COL28A1: variants seen among roughly 807,000 people sequenced by gnomAD.
COL28A1 encodes collagen type XXVIII alpha 1 chain.
In COL28A1, 161 loss-of-function variants were observed where a neutral mutation model predicts 150.2. That is an observed-to-expected ratio of 1.07 (90% confidence interval 0.94 to 1.22). The LOEUF is 1.22. Among genes scored for constraint, COL28A1 ranks in the 50% most tolerant of loss-of-function variants. The pLI, the probability that COL28A1 is intolerant of heterozygous loss-of-function variation, is 0.00. For missense variants in COL28A1, 1,617 were observed against 1,388.3 expected (o/e 1.16, Z -2.62); for synonymous variants, 552 against 469.7 (o/e 1.18, Z -2.26).
At chr7:7,507,855 T>C (rs1281136106) in intron 9 of COL28A1, among the ~76,000 whole-genome samples, 1 of 152,252 alleles carries the variant, frequency 6.6e-6, no homozygotes, top group Non-Finnish European at 1.5e-5. Flanking sequence ...CCAGTTTTAT[T>C]CCCAGTAGAT....
intron 27 of COL28A1, among the ~76,000 whole-genome samples, chr7:7,410,558 A>G (rs1783725460): frequency 6.6e-6 from 1 of 152,098 alleles, no homozygotes; most frequent in Non-Finnish European, 1.5e-5. Flanking sequence ...CGTTAAGTGG[A>G]TAACTTATTG....
At chr7:7,460,767 T>C (rs1216066771) in intron 15 of COL28A1, among the ~76,000 whole-genome samples, 1 of 152,230 alleles carries the variant, frequency 6.6e-6, no homozygotes. Context: ...TTGCTGATGG[T>C]AGAAGTCACT....
intron 21 of COL28A1, among the ~76,000 whole-genome samples, chr7:7,438,571 C>T (rs564732835): frequency 1.6e-4 from 25 of 152,300 alleles, no homozygotes; most frequent in East Asian, 7.7e-4. Context: ...CAATTGTCAC[C>T]GCACACCGCA....
At chr7:7,340,685 C>G in the COL28A1 span, among the ~76,000 whole-genome samples, 1 of 151,954 alleles carries the variant, frequency 6.6e-6, no homozygotes, top group Non-Finnish European at 1.5e-5. Context: ...TGATTCATCT[C>G]TAATCTGTGT....
intron 11 of COL28A1, among the ~76,000 whole-genome samples, chr7:7,495,366 A>AG (rs1235196110): frequency 6.6e-6 from 1 of 152,180 alleles, no homozygotes; most frequent in Non-Finnish European, 1.5e-5. Context: ...GTGATTAATG[A>AG]GGTTGAAGGC....
intron 27 of COL28A1, among the ~76,000 whole-genome samples, chr7:7,404,102 AG>A (rs1003400578): frequency 6.6e-6 from 1 of 152,020 alleles, no homozygotes; most frequent in Non-Finnish European, 1.5e-5. Context: ...ATCAGGAAAA[AG>A]GATTTAGTAA....
intron 25 of COL28A1, among the ~76,000 whole-genome samples, chr7:7,432,087 C>A (rs999196171): frequency 4.6e-5 from 7 of 152,076 alleles, no homozygotes; most frequent in African/African-American, 1.7e-4. Flanking sequence ...TACATGAGAC[C>A]AGATTTTAAG....
At chr7:7,370,704 G>C (rs1781183067) in intron 33 of COL28A1, 21 bp downstream of exon 33, 3 of 1,589,966 alleles carry the variant, frequency 1.9e-6, no homozygotes, top group Non-Finnish European at 2.6e-6. Context: ...AGCTCACAAA[G>C]TAAGTGAGAC....
chr7:7,443,014 G>A (rs1785932642), intron 20 of COL28A1, among the ~76,000 whole-genome samples: 1 of 147,746 alleles, frequency 6.8e-6, no homozygotes, highest in Non-Finnish European at 1.5e-5. Flanking sequence ...CAGCCTGTGG[G>A]ACAGAGTGAG....
chr7:7,366,938 C>T (rs60169910), intron 33 of COL28A1, among the ~76,000 whole-genome samples: 4,759 of 152,262 alleles, frequency 0.031, 244 homozygotes, highest in African/African-American at 0.11. Context: ...TAAATATGTT[C>T]TTGTATGTGT....
At chr7:7,381,969 G>A (rs924939478) in intron 27 of COL28A1, among the ~76,000 whole-genome samples, 2 of 152,020 alleles carry the variant, frequency 1.3e-5, no homozygotes, top group Admixed American at 6.6e-5. Context: ...AGTAAAGGTG[G>A]GTTCCATCTT....
intron 14 of COL28A1, among the ~76,000 whole-genome samples, chr7:7,476,478 T>C (rs981039593): frequency 6.6e-6 from 1 of 152,226 alleles, no homozygotes; most frequent in Non-Finnish European, 1.5e-5. Context: ...TGTTTATGGC[T>C]GCTTTCAAGC....
chr7:7,463,660 T>G (rs1271290982), intron 15 of COL28A1, among the ~76,000 whole-genome samples: 1 of 152,146 alleles, frequency 6.6e-6, no homozygotes, highest in East Asian at 1.9e-4. Context: ...CTACAAGAAC[T>G]GCCAAAAGGA....
chr7:7,499,526 G>A (rs1780405726), intron 11 of COL28A1, among the ~76,000 whole-genome samples: 1 of 152,062 alleles, frequency 6.6e-6, no homozygotes. Context: ...AGAAATGTAG[G>A]AATCTACATG....
Position 7,524,259 on chromosome 7 carries a change from A to T in COL28A1, c.682-10T>A. 1 of 1,331,470 alleles carries T rather than the reference A, an allele frequency of 7.5e-7. No individual in the cohort carries two copies. The highest frequency in any genetic ancestry group is 1.4e-5 in the African/African-American group (1 of 69,856). 82.5% of individuals were successfully genotyped at this position (1,331,470 alleles called of 1,614,324 possible). A position where few individuals can be genotyped will look rare whatever the true frequency, so the allele number is the denominator to read the frequency against. ...TTTCAAATAAGATATCCTACAAGGGAAAAAAGAATGAAGCATTAACTCGAT... is the reference window on the plus strand; with the variant it reads ...TTTCAAATAAGATATCCTACAAGGGTAAAAAGAATGAAGCATTAACTCGAT... On this transcript the variant is annotated splice_polypyrimidine_tract_variant and intron_variant, in intron 3 of 34. Coordinates refer to ENST00000399429, the MANE Select transcript of COL28A1 (RefSeq NM_001037763.3).
chr7:7,433,303 G>C (rs939114120), intron 23 of COL28A1, among the ~76,000 whole-genome samples: 1 of 151,996 alleles, frequency 6.6e-6, no homozygotes, highest in Non-Finnish European at 1.5e-5. Flanking sequence ...CAAGTAAAAC[G>C]GGGGGAGAGA....
chr7:7,519,047 A>G (rs1035740833), intron 6 of COL28A1, among the ~76,000 whole-genome samples: 15 of 152,058 alleles, frequency 9.9e-5, no homozygotes, highest in Admixed American at 8.5e-4. Context: ...TTCCTTCCTT[A>G]TATTAGGACA....
In COL28A1 at chr7:7,532,751, C is replaced by A. The variant is rs1177880580; in HGVS notation, c.124+1G>T. On this transcript the variant is annotated splice_donor_variant, in intron 2 of 34. Transcript: ENST00000399429. LOFTEE classifies it high-confidence loss of function. ...AAAACAAACAATTTTTTTTTTTTTA[C>A]CCTGGACATCACTTTTCCTTGCAAG... 2 of 1,587,792 alleles carry A rather than the reference C, an allele frequency of 1.3e-6. No homozygotes were observed. The highest frequency in any genetic ancestry group is 1.7e-6 in the Non-Finnish European group (2 of 1,172,358).
At chr7:7,515,342 C>G (rs1781361136) in intron 8 of COL28A1, among the ~76,000 whole-genome samples, 1 of 152,198 alleles carries the variant, frequency 6.6e-6, no homozygotes, top group Non-Finnish European at 1.5e-5. Context: ...ATTTACTCCC[C>G]TGCAAGCTCT....
Sources: allele counts gnomAD v4.1 joint callset (sites outside exome capture counted in the v4.1 genomes callset), GRCh38; gene constraint gnomAD v4.1.1; transcripts MANE v1.5; gene names NCBI Gene and HGNC (gene_info 2026-07-23, HGNC 2026-07-21).